MYO1B: variants seen among roughly 807,000 people sequenced by gnomAD.
The protein encoded by MYO1B is unconventional myosin-Ib.
MYO1B carries 72 observed loss-of-function variants against 159.7 expected under a neutral mutation model. That is an observed-to-expected ratio of 0.45 (90% CI 0.37 to 0.55). MYO1B has a LOEUF of 0.55. MYO1B is among the 20% of genes least tolerant of loss of function. The probability of loss-of-function intolerance (pLI) is 0.00; values close to 1 mark genes in which losing one functional copy is unlikely to be tolerated. For missense variants in MYO1B, 1,062 were observed against 1,364.8 expected (o/e 0.78, Z 3.50); for synonymous variants, 468 against 473.8 (o/e 0.99, Z 0.16).
chr2:191,408,658 C>T (rs1697076859), intron 25 of MYO1B, among the ~76,000 whole-genome samples: 1 of 152,088 alleles, frequency 6.6e-6, no homozygotes, highest in East Asian at 1.9e-4. Flanking sequence ...GAGCCAGCCC[C>T]CACTGCCACT....
chr2:191,423,721 G>A (rs1421914937), intron 30 of MYO1B, 116 bp from the exon 31 acceptor site: 13 of 1,124,614 alleles, frequency 1.2e-5, no homozygotes, highest in East Asian at 7.7e-5. Context: ...GATTAGGTTA[G>A]GGATGCGCAG....
chr2:191,387,939 A>G (rs1695492478), intron 17 of MYO1B: 1 of 173,006 alleles, frequency 5.8e-6, no homozygotes, highest in African/African-American at 2.4e-5. Flanking sequence ...GGCCTGGAGA[A>G]AGTAATGATT....
intron 5 of MYO1B, among the ~76,000 whole-genome samples, chr2:191,342,388 A>G (rs148481992): frequency 6.6e-6 from 1 of 152,300 alleles, no homozygotes; most frequent in Non-Finnish European, 1.5e-5. Context: ...GCTTCAACAT[A>G]TGAATTTTGC....
chr2:191,395,467 G>A (rs1390463080), intron 20 of MYO1B, among the ~76,000 whole-genome samples: 3 of 152,222 alleles, frequency 2.0e-5, no homozygotes, highest in Non-Finnish European at 4.4e-5. Context: ...GAGAAGGGGG[G>A]CTGAGCCAGC....
chr2:191,338,983 A>C lies in MYO1B; in HGVS notation c.347-2478A>C, dbSNP rs138950482. Among the ~76,000 whole-genome samples, 119 of 152,306 alleles carry C rather than the reference A, an allele frequency of 7.8e-4. 1 individual carries two copies. The East Asian group carries it at 0.019, about 24-fold the overall frequency. On this transcript the variant is annotated intron_variant, in intron 4 of 30. Transcript: ENST00000392318. ...TATTACGATGGATAGATAGGCCAGAAATTTATGTCAAGAAAGAAACATATA... is the reference window on the plus strand; with the variant it reads ...TATTACGATGGATAGATAGGCCAGACATTTATGTCAAGAAAGAAACATATA...
chr2:191,412,277 T>C (rs145179867), intron 27 of MYO1B, among the ~76,000 whole-genome samples: 268 of 152,378 alleles, frequency 1.8e-3, no homozygotes, highest in African/African-American at 6.1e-3. Context: ...TTTTTTTTTA[T>C]ACATTTTTAA....
chr2:191,297,352 A>G (rs1292869831), intron 3 of MYO1B, among the ~76,000 whole-genome samples: 1 of 152,226 alleles, frequency 6.6e-6, no homozygotes, highest in East Asian at 1.9e-4. Context: ...TGGTTGATGC[A>G]GCATAACATC....
chr2:191,319,071 G>C (rs1391523488), intron 3 of MYO1B, among the ~76,000 whole-genome samples: 2 of 152,168 alleles, frequency 1.3e-5, no homozygotes, highest in Non-Finnish European at 2.9e-5. Context: ...GCAGGGAAGA[G>C]AGCCTGCAGG....
chr2:191,418,482 ATT>A (rs1159016855), intron 30 of MYO1B, among the ~76,000 whole-genome samples: 1,546 of 80,984 alleles, frequency 0.019, 18 homozygotes, highest in African/African-American at 0.069. Context: ...TCTTTAGTGG[ATT>A]TTTTTTTTTT....
chr2:191,270,358 T>A (rs554263672), intron 1 of MYO1B, among the ~76,000 whole-genome samples: 1 of 152,330 alleles, frequency 6.6e-6, no homozygotes, highest in East Asian at 1.9e-4. Context: ...TGTATTACTT[T>A]TAATTATTAA....
intron 2 of MYO1B, among the ~76,000 whole-genome samples, chr2:191,278,930 T>A (rs1326946151): frequency 6.6e-6 from 1 of 152,260 alleles, no homozygotes; most frequent in Non-Finnish European, 1.5e-5. Flanking sequence ...AGAAGCACAA[T>A]TCACTTTTAA....
chr2:191,282,532 AT>A (rs1200077343), intron 2 of MYO1B, among the ~76,000 whole-genome samples: 1 of 152,214 alleles, frequency 6.6e-6, no homozygotes, highest in Non-Finnish European at 1.5e-5. Context: ...GGAAAAAAAA[AT>A]TTCAAATAGT....
At chr2:191,262,606 A>C (rs1686887886) in intron 1 of MYO1B, among the ~76,000 whole-genome samples, 1 of 128,718 alleles carries the variant, frequency 7.8e-6, no homozygotes, top group African/African-American at 2.8e-5. Context: ...TAGGCTATGT[A>C]ATGCTTCTCT....
intron 21 of MYO1B, among the ~76,000 whole-genome samples, chr2:191,399,636 C>A (rs954073312): frequency 6.6e-6 from 1 of 152,190 alleles, no homozygotes; most frequent in African/African-American, 2.4e-5. Context: ...AGGCCTGGAG[C>A]CCTTTCAGAG....
chr2:191,276,712 C>T (rs1053083881), intron 1 of MYO1B, among the ~76,000 whole-genome samples, 175 bp from the exon 2 acceptor site: 15 of 152,120 alleles, frequency 9.9e-5, no homozygotes, highest in African/African-American at 3.6e-4. Flanking sequence ...AATGGGGCAG[C>T]TGCAGCCAAG....
At chr2:191,372,257 A>T (rs1388954701) in intron 13 of MYO1B, among the ~76,000 whole-genome samples, 1 of 152,250 alleles carries the variant, frequency 6.6e-6, no homozygotes, top group East Asian at 1.9e-4. Context: ...GAAAAGGATT[A>T]TTGATCTTAA....
intron 30 of MYO1B, among the ~76,000 whole-genome samples, chr2:191,418,035 C>T (rs937261433): frequency 6.6e-6 from 1 of 152,172 alleles, no homozygotes; most frequent in Non-Finnish European, 1.5e-5. Flanking sequence ...AATGTGGCCA[C>T]ATGAAGAAAA....
At chr2:191,390,743 G>T (rs1459672050) in intron 18 of MYO1B, among the ~76,000 whole-genome samples, 1 of 152,164 alleles carries the variant, frequency 6.6e-6, no homozygotes, top group African/African-American at 2.4e-5. Flanking sequence ...GTAGGAGGTG[G>T]TTTGTAATTT....
intron 13 of MYO1B, among the ~76,000 whole-genome samples, chr2:191,379,701 T>G (rs1428178952): frequency 6.6e-6 from 1 of 152,166 alleles, no homozygotes; most frequent in Non-Finnish European, 1.5e-5. Flanking sequence ...AAAAAAAAAG[T>G]CAAAGATCTG....
Sources: gnomAD v4.1 joint callset for allele counts (sites outside exome capture counted in the v4.1 genomes callset) on GRCh38, gnomAD v4.1.1 for gene constraint, MANE v1.5 for transcripts, NCBI Gene and HGNC (gene_info 2026-07-23, HGNC 2026-07-21) for gene names.